Variants in FOXJ3 observed in about 807,000 individuals in gnomAD.
FOXJ3 encodes the protein forkhead box protein J3.
In FOXJ3, 22 loss-of-function variants were observed where a neutral mutation model predicts 76.1. The observed-to-expected ratio is 0.29, with a 90% CI of 0.21 to 0.41. The LOEUF is 0.41. FOXJ3 is among the 10% of genes least tolerant of loss of function. The pLI, the probability that FOXJ3 is intolerant of heterozygous loss-of-function variation, is 1.00. For synonymous variants in FOXJ3, 269 were observed against 261.2 expected (o/e 1.03, Z -0.29); for missense variants, 613 against 762.1 (o/e 0.80, Z 2.30).
At chr1:42,211,317 T>A (rs1646962124) in intron 5 of FOXJ3, among the ~76,000 whole-genome samples, 2 of 152,088 alleles carry the variant, frequency 1.3e-5, no homozygotes, top group South Asian at 4.1e-4. Context: ...TCATAATCCC[T>A]CTTTACATGG....
At chr1:42,199,808 A>G (rs1646724108) in intron 6 of FOXJ3, among the ~76,000 whole-genome samples, 1 of 151,860 alleles carries the variant, frequency 6.6e-6, no homozygotes, top group Admixed American at 6.6e-5. Flanking sequence ...GTTATCTAGA[A>G]GGGGCTGAGG....
chr1:42,284,284 A>G (rs370390593), intron 2 of FOXJ3, among the ~76,000 whole-genome samples: 6 of 152,218 alleles, frequency 3.9e-5, no homozygotes, highest in East Asian at 3.8e-4. Context: ...AGCTGATTAC[A>G]AAGAATTTGG....
chr1:42,285,515 G>A (rs892842044), intron 2 of FOXJ3, among the ~76,000 whole-genome samples: 4 of 152,012 alleles, frequency 2.6e-5, no homozygotes, highest in Non-Finnish European at 4.4e-5. Context: ...GAGGGTGAGA[G>A]GTGAAAGAGT....
chr1:42,273,915 G>A (rs1652059251), intron 3 of FOXJ3, among the ~76,000 whole-genome samples: 1 of 152,148 alleles, frequency 6.6e-6, no homozygotes, highest in South Asian at 2.1e-4. Flanking sequence ...CTAAAAAGCA[G>A]TAACTGACTA....
At chr1:42,220,183 T>C (rs1416419856) in intron 5 of FOXJ3, among the ~76,000 whole-genome samples, 6 of 152,210 alleles carry the variant, frequency 3.9e-5, no homozygotes, top group Non-Finnish European at 7.3e-5. Flanking sequence ...GCGTCACTTA[T>C]ATTTTTTAAC....
chr1:42,204,264 T>TC (rs1056772569), intron 6 of FOXJ3, among the ~76,000 whole-genome samples: 2 of 151,974 alleles, frequency 1.3e-5, no homozygotes, highest in East Asian at 3.9e-4. Flanking sequence ...TTCCAATACC[T>TC]CCCTCTTCTT....
intron 3 of FOXJ3, among the ~76,000 whole-genome samples, chr1:42,270,435 A>G (rs985646004): frequency 2.6e-5 from 4 of 152,330 alleles, no homozygotes; most frequent in East Asian, 1.9e-4. Flanking sequence ...TCAAAGGGTA[A>G]TCACATATCT....
intron 4 of FOXJ3, among the ~76,000 whole-genome samples, chr1:42,230,570 A>G (rs1647998391): frequency 6.6e-6 from 1 of 152,230 alleles, no homozygotes; most frequent in African/African-American, 2.4e-5. Flanking sequence ...TTTCTGCATG[A>G]AAACAAAACG....
chr1:42,197,627 T>A (rs191616048), intron 7 of FOXJ3, among the ~76,000 whole-genome samples: 4 of 151,752 alleles, frequency 2.6e-5, no homozygotes, highest in Admixed American at 2.6e-4. Flanking sequence ...AGATGATTAA[T>A]ACCTAATACA....
At chr1:42,250,825 A>G (rs1649972083) in intron 4 of FOXJ3, among the ~76,000 whole-genome samples, 2 of 149,424 alleles carry the variant, frequency 1.3e-5, no homozygotes, top group Admixed American at 1.3e-4. Context: ...AAAAAAGTCC[A>G]GTAATTGAAA....
intron 5 of FOXJ3, among the ~76,000 whole-genome samples, chr1:42,218,461 T>A (rs532289205): frequency 1.3e-5 from 2 of 152,348 alleles, no homozygotes; most frequent in African/African-American, 4.8e-5. Context: ...AAAAGCTGGA[T>A]AATTGTAGAT....
At chr1:42,192,213 TC>T (rs1646562483) in intron 8 of FOXJ3, among the ~76,000 whole-genome samples, 2 of 152,198 alleles carry the variant, frequency 1.3e-5, no homozygotes, top group Admixed American at 6.5e-5. Context: ...TTAAAACTTT[TC>T]CAAATAGGTA....
chr1:42,249,277 T>C (rs910941066), intron 4 of FOXJ3, among the ~76,000 whole-genome samples: 1 of 152,182 alleles, frequency 6.6e-6, no homozygotes. Context: ...TAAATGAGTA[T>C]ATATTTCTTT....
In FOXJ3 at chr1:42,237,405, C is replaced by CATATATAT. The variant is rs60560055; in HGVS notation, c.445-9447_445-9440dup. Among the ~76,000 whole-genome samples, 601 of 140,742 alleles carry CATATATAT rather than the reference C, an allele frequency of 4.3e-3. 3 individuals carry two copies. Among genetic ancestry groups the CATATATAT allele is most frequent in the South Asian group, 7.0e-3 (31 of 4,414 alleles). The allele number at this position is 140,742 out of a possible 152,430, so 92.3% of individuals were successfully genotyped here. Reference sequence around the variant, plus strand: ...ATATATATATATACATACATACATACATATATATATATATATATATATACA... The same window carrying CATATATAT: ...ATATATATATATACATACATACATACATATATATATATATATATATATATATATATACA... On this transcript the variant is annotated intron_variant, in intron 4 of 12. Coordinates refer to ENST00000361346, the MANE Select transcript of FOXJ3 (RefSeq NM_014947.5).
intron 5 of FOXJ3, among the ~76,000 whole-genome samples, chr1:42,227,671 G>A (rs1647682574): frequency 6.6e-6 from 1 of 152,110 alleles, no homozygotes; most frequent in South Asian, 2.1e-4. Flanking sequence ...CCCTAATTAT[G>A]ACAAAACCTT....
intron 5 of FOXJ3, among the ~76,000 whole-genome samples, chr1:42,227,327 T>C (rs916123813): frequency 6.6e-6 from 1 of 152,242 alleles, no homozygotes; most frequent in African/African-American, 2.4e-5. Flanking sequence ...ACTAAAAATA[T>C]GTTAAAATAG....
In FOXJ3 at chr1:42,185,189, C is replaced by G. The variant is rs1646409640; in HGVS notation, c.1646-3165G>C. ...CCATCTTTCCAAGAGAAGTATGCAC[C>G]CCTTTCTCTGAATTCTTATTGCACT... On this transcript the variant is annotated intron_variant, in intron 11 of 12. Transcript: ENST00000361346. 2.6e-5 allele frequency among the ~76,000 whole-genome samples: 4 copies of G among 151,820 alleles called. 1 individual carries two copies. The Middle Eastern group carries it at 0.01, about 387-fold the overall frequency.
chr1:42,260,970 T>C (rs973737712), intron 4 of FOXJ3, among the ~76,000 whole-genome samples: 2 of 152,202 alleles, frequency 1.3e-5, no homozygotes, highest in African/African-American at 4.8e-5. Flanking sequence ...TAGATAACTG[T>C]TGAAACTAAG....
At chr1:42,313,811 GA>G (rs1340327699) in intron 1 of FOXJ3, among the ~76,000 whole-genome samples, 1 of 151,800 alleles carries the variant, frequency 6.6e-6, no homozygotes, top group African/African-American at 2.4e-5. Context: ...TTATTTAAAA[GA>G]AAAAAAATTA....
Sources: gnomAD v4.1 joint callset for allele counts (sites outside exome capture counted in the v4.1 genomes callset) on GRCh38, gnomAD v4.1.1 for gene constraint, MANE v1.5 for transcripts, NCBI Gene and HGNC (gene_info 2026-07-23, HGNC 2026-07-21) for gene names.